RFX1: variants seen among roughly 807,000 people sequenced by gnomAD.
RFX1 encodes the protein MHC class II regulatory factor RFX1.
In RFX1, 42 loss-of-function variants were observed where a neutral mutation model predicts 119.6. The ratio of observed to expected loss-of-function variants is 0.35; its 90% CI spans 0.27 to 0.45. RFX1 has a LOEUF of 0.45. RFX1 is among the 20% of genes least tolerant of loss of function. RFX1 has a pLI of 1.00. For synonymous variants in RFX1, 628 were observed against 618.5 expected (o/e 1.02, Z -0.23); for missense variants, 1,118 against 1,368.1 (o/e 0.82, Z 2.88).
At chr19:13,976,507 G>T (rs1170782489) in intron 8 of RFX1, among the ~76,000 whole-genome samples, 1 of 152,348 alleles carries the variant, frequency 6.6e-6, no homozygotes, top group South Asian at 2.1e-4. Flanking sequence ...CACAGGAATG[G>T]TAGTGCTGTA....
chr19:13,994,177 A>AC (rs997907728), intron 1 of RFX1, among the ~76,000 whole-genome samples: 7 of 151,692 alleles, frequency 4.6e-5, no homozygotes, highest in African/African-American at 1.5e-4. Context: ...GTACCCAGAG[A>AC]CCCCCACATC....
At position 13,980,752 on chromosome 19, in the gene RFX1, T is replaced by A; in HGVS notation, c.622-63A>T. The A allele has an allele frequency of 3.2e-6, 3 of 939,458 alleles. No homozygotes were observed. The highest frequency in any genetic ancestry group is 2.6e-5 in the East Asian group (1 of 38,804). 58.2% of individuals were successfully genotyped at this position (939,458 alleles called of 1,614,324 possible). On this transcript the variant is annotated intron_variant, in intron 5 of 20. Coordinates refer to ENST00000254325, the MANE Select transcript of RFX1 (RefSeq NM_002918.5). This position sits in a 1 kb window ranked among gnomAD's most constrained non-coding sequence, Gnocchi z 5.1. ...GGCTTGCATCCTCTCTGAGGTGGGC[T>A]CACACACACACCCTTCTCAGGAGAG...
intron 16 of RFX1, among the ~76,000 whole-genome samples, chr19:13,964,252 T>G (rs1973820949): frequency 6.6e-6 from 1 of 152,202 alleles, no homozygotes; most frequent in Non-Finnish European, 1.5e-5. Flanking sequence ...TGAAATTTAT[T>G]TATATTTTTT....
intron 1 of RFX1, among the ~76,000 whole-genome samples, chr19:13,999,414 C>G (rs1237710871): frequency 1.3e-5 from 2 of 152,188 alleles, no homozygotes; most frequent in African/African-American, 4.8e-5. Context: ...AGTTTTGTGG[C>G]TAGTCTCTGC....
At position 13,985,104 on chromosome 19, in the gene RFX1, C is replaced by T. The variant is rs1473940224; in HGVS notation, c.320-1509G>A. On this transcript the variant is annotated intron_variant, in intron 2 of 20. Coordinates refer to ENST00000254325, the MANE Select transcript of RFX1 (RefSeq NM_002918.5). The surrounding 1 kb of genome is among the most constrained non-coding windows in gnomAD (Gnocchi z 4.3). ...CTCGAACTCTTGGACTCAAGCAATC[C>T]ACCTGCTTCCATCTCCCGAAGTGCC... 1.3e-5 allele frequency among the ~76,000 whole-genome samples: 2 copies of T among 152,118 alleles called. No individual in the cohort carries two copies. The highest frequency in any genetic ancestry group is 4.8e-5 in the African/African-American group (2 of 41,404).
In RFX1 at chr19:13,985,264, G is replaced by A. The variant is rs997115645; in HGVS notation, c.320-1669C>T. Among the ~76,000 whole-genome samples the A allele has an allele frequency of 2.0e-5, 3 of 151,044 alleles. No individual in the cohort carries two copies. Among genetic ancestry groups the A allele is most frequent in the Non-Finnish European group, 2.9e-5 (2 of 67,938 alleles). ...GCAATCTCTGCTCACTGAAATCTCC[G>A]CCTCCCGGTTCAAGTGATTCTCCTG... On this transcript the variant is annotated intron_variant, in intron 2 of 20. Coordinates refer to ENST00000254325, the MANE Select transcript of RFX1 (RefSeq NM_002918.5). This position sits in a 1 kb window ranked among gnomAD's most constrained non-coding sequence, Gnocchi z 4.3.
chr19:13,972,722 G>A, intron 9 of RFX1, 21 bp downstream of exon 9: 1 of 1,565,122 alleles, frequency 6.4e-7, no homozygotes, highest in Non-Finnish European at 8.7e-7. Context: ...CCTCCTCTGG[G>A]GCCCGCGTTG....
At chr19:13,970,610 G>T (rs1974047130) in intron 9 of RFX1, among the ~76,000 whole-genome samples, 1 of 138,202 alleles carries the variant, frequency 7.2e-6, no homozygotes, top group East Asian at 2.2e-4. Flanking sequence ...GGCTGCAGTA[G>T]GCTATGGTCA....
Position 13,970,138 on chromosome 19 carries a change from C to T in RFX1, c.1352G>A (p.Gly451Asp). 2.5e-6 allele frequency: 4 copies of T among 1,613,212 alleles called. No homozygotes were observed. The highest frequency in any genetic ancestry group is 3.4e-6 in the Non-Finnish European group (4 of 1,179,560). The change falls in exon 10 of 21, where the codon GGC becomes GAC. Residue 451 changes from glycine (G) to aspartate (D), a missense_variant. By Grantham distance (94) the Gly-to-Asp change is moderately conservative (BLOSUM62 -1). Coordinates refer to ENST00000254325, the MANE Select transcript of RFX1 (RefSeq NM_002918.5). ...GAGGGTGCTCCGTGGCAGACTCACGCCCTCAGCCGTCTCATAGTTGTCCAG... is the reference window on the plus strand; with the variant it reads ...GAGGGTGCTCCGTGGCAGACTCACGTCCTCAGCCGTCTCATAGTTGTCCAG... ...WLLDNYETAEGVSLPRSTLYC... is the reference protein window; with the variant it reads ...WLLDNYETAEDVSLPRSTLYC...
At position 13,982,193 on chromosome 19, in the gene RFX1, T is replaced by A; in HGVS notation, c.549A>T (p.Ala183=). 1 of 1,311,788 alleles carries A rather than the reference T, an allele frequency of 7.6e-7. No homozygotes were observed. The allele number at this position is 1,311,788 out of a possible 1,614,324, so 81.3% of individuals were successfully genotyped here. Residue 183 remains alanine (A), a synonymous_variant, in exon 5 of 21, where the codon GCA becomes GCT. Coordinates refer to ENST00000254325, the MANE Select transcript of RFX1 (RefSeq NM_002918.5). The part of the protein sequence containing the change: ...LPTQRLVVQS[A]APGSKGGQVS... ...CCTGGCCACCTTTGCTGCCTGGGGC[T>A]GCGCTCTGCACCACCAGACGCTGCG... is the stretch of plus-strand genomic sequence containing the variant.
At chr19:13,982,092 G>C (rs781055734) in intron 5 of RFX1, 29 bp downstream of exon 5, 1 of 1,167,890 alleles carries the variant, frequency 8.6e-7, no homozygotes, top group Non-Finnish European at 1.1e-6. Context: ...ACAGCAGGGG[G>C]GAGGGCGGCC....
At position 13,965,453 on chromosome 19, in the gene RFX1, A is replaced by C. The variant is rs1337547352; in HGVS notation, c.2207T>G (p.Val736Gly). 5.0e-6 allele frequency: 8 copies of C among 1,613,330 alleles called. 1 individual carries two copies. The highest frequency in any genetic ancestry group is 6.8e-6 in the Non-Finnish European group (8 of 1,179,672). The change falls in exon 16 of 21, where the codon GTG (valine) becomes GGG (glycine). Residue 736 changes from valine (V) to glycine (G), a missense_variant. Coordinates refer to ENST00000254325, the MANE Select transcript of RFX1 (RefSeq NM_002918.5). This position sits in a 1 kb window ranked among gnomAD's most constrained non-coding sequence, Gnocchi z 4.7. Reference sequence around the variant, plus strand: ...GGGACCCCCTCACACTCTCACCTTCACCCGCAGCATCTCCTCGGGGATGTT... The same window carrying C: ...GGGACCCCCTCACACTCTCACCTTCCCCCGCAGCATCTCCTCGGGGATGTT... ...MVNIPEEMLRVKVAAAGAFAQ... is the reference protein window; with the variant it reads ...MVNIPEEMLRGKVAAAGAFAQ...
In RFX1 at chr19:13,993,590, G is replaced by A. The variant is rs764610764; in HGVS notation, c.254C>T (p.Ser85Leu). ...VTELPAVPAP[S>L]QPTGAPTPSP... ...AGGGGTGGGTGCACCGGTTGGCTGCGAGGGTGCGGGTACAGCCGGGAGCTC... is the reference window on the plus strand; with the variant it reads ...AGGGGTGGGTGCACCGGTTGGCTGCAAGGGTGCGGGTACAGCCGGGAGCTC... The change falls in exon 2 of 21, where the codon TCG (serine) becomes TTG (leucine). Residue 85 changes from serine to leucine, a missense_variant. Around this residue, in one of 5 missense-constraint regions of RFX1, gnomAD observed 542 missense variants for 602.7 expected, o/e 0.90. Coordinates refer to ENST00000254325, the MANE Select transcript of RFX1 (RefSeq NM_002918.5). The A allele has an allele frequency of 1.6e-5, 25 of 1,612,434 alleles. No homozygotes were observed. The highest frequency in any genetic ancestry group is 3.3e-5 in the Admixed American group (2 of 59,750).
In RFX1 at chr19:13,962,400, G is replaced by A. The variant is rs1175473650; in HGVS notation, c.*295C>T. ...GGGAGGACGGGGCTGGGGAGAAGACGCTGGGGCCTGGGAGGGGGGCGGCCA... is the reference window on the plus strand; with the variant it reads ...GGGAGGACGGGGCTGGGGAGAAGACACTGGGGCCTGGGAGGGGGGCGGCCA... On this transcript the variant is annotated 3_prime_UTR_variant, in exon 21 of 21. Transcript: ENST00000254325. The A allele has an allele frequency of 2.0e-5, 9 of 458,174 alleles. No individual in the cohort carries two copies. Among genetic ancestry groups the A allele is most frequent in the Non-Finnish European group, 3.5e-5 (9 of 257,454 alleles). The allele number at this position is 458,174 out of a possible 1,614,324, so 28.4% of individuals were successfully genotyped here.
intron 2 of RFX1, among the ~76,000 whole-genome samples, chr19:13,983,975 G>A (rs1316436274): frequency 6.6e-6 from 1 of 152,194 alleles, no homozygotes; most frequent in Non-Finnish European, 1.5e-5. Flanking sequence ...TGGCAGCGCT[G>A]GAAGGATCGA....
Position 13,982,240 on chromosome 19 carries a change from G to T in RFX1, c.514-12C>A. On this transcript the variant is annotated splice_polypyrimidine_tract_variant and intron_variant, in intron 4 of 20. Transcript: ENST00000254325. Reference sequence around the variant, plus strand: ...TGCGTGGGAAGAGCCTGGGGCCAGGGAGGGAGAGGGAGGGCAGATCACTGA... The same window carrying T: ...TGCGTGGGAAGAGCCTGGGGCCAGGTAGGGAGAGGGAGGGCAGATCACTGA... 7.8e-7 allele frequency: 1 copy of T among 1,278,790 alleles called. No individual in the cohort carries two copies. The highest frequency in any genetic ancestry group is 1.0e-6 in the Non-Finnish European group (1 of 1,001,490). The allele number at this position is 1,278,790 out of a possible 1,614,324, so 79.2% of individuals were successfully genotyped here. A position where few individuals can be genotyped will look rare whatever the true frequency, so the allele number is the denominator to read the frequency against.
rs180778743 is a variant in RFX1, at chr19:13,996,975, C to T, written c.-52-3080G>A. 4.1e-3 allele frequency among the ~76,000 whole-genome samples: 618 copies of T among 152,266 alleles called. 2 individuals carry two copies. Among genetic ancestry groups the T allele is most frequent in the African/African-American group, 0.014 (592 of 41,568 alleles). On this transcript the variant is annotated intron_variant, in intron 1 of 20. Coordinates refer to ENST00000254325, the MANE Select transcript of RFX1 (RefSeq NM_002918.5). ...CTGACCTCAAGTAATCCGCCCACCT[C>T]GGCCTCCCAAAGTGCTAGGATTACA... is the stretch of plus-strand genomic sequence containing the variant.
At position 13,985,559 on chromosome 19, in the gene RFX1, C is replaced by A. The variant is rs1005934591; in HGVS notation, c.320-1964G>T. 1.3e-5 allele frequency among the ~76,000 whole-genome samples: 2 copies of A among 152,236 alleles called. No homozygotes were observed. The highest frequency in any genetic ancestry group is 2.1e-4 in the South Asian group (1 of 4,830). Reference sequence around the variant, plus strand: ...GAAGTGATCTGTCCAAGGTCAAATGCACCATCCACCGTGCAGGCCATGACG... The same window carrying A: ...GAAGTGATCTGTCCAAGGTCAAATGAACCATCCACCGTGCAGGCCATGACG... On this transcript the variant is annotated intron_variant, in intron 2 of 20. Transcript: ENST00000254325. The surrounding 1 kb of genome is among the most constrained non-coding windows in gnomAD (Gnocchi z 4.3).
At chr19:14,002,883 G>A (rs996449826) in intron 1 of RFX1, among the ~76,000 whole-genome samples, 3 of 152,158 alleles carry the variant, frequency 2.0e-5, no homozygotes, top group South Asian at 2.1e-4. Context: ...CTCCAGAGAC[G>A]CCATTCCAAG....
Sources: gnomAD v4.1 joint callset for allele counts (sites outside exome capture counted in the v4.1 genomes callset) on GRCh38, gnomAD v4.1.1 for gene constraint, gnomAD v4.1.1 regional missense constraint, Gnocchi (gnomAD v3.1) non-coding constraint, MANE v1.5 for transcripts, NCBI Gene and HGNC (gene_info 2026-07-23, HGNC 2026-07-21) for gene names.